The following TRIM9 variants were observed in gnomAD, a reference collection of about 807,000 sequenced individuals.
TRIM9 encodes the protein tripartite motif containing 9.
In TRIM9, 26 loss-of-function variants were observed where a neutral mutation model predicts 78.3. The ratio of observed to expected loss-of-function variants is 0.33; its 90% confidence interval spans 0.24 to 0.46. The LOEUF (loss-of-function observed/expected upper bound fraction) is 0.46. Ranked by LOEUF, TRIM9 falls within the 20% of genes least tolerant of loss-of-function variation. The pLI is 1.00. For synonymous variants in TRIM9, 398 were observed against 416.5 expected, an observed-to-expected ratio of 0.96 and a Z score of 0.54; for missense variants, 787 against 1,036.4, an observed-to-expected ratio of 0.76 and a Z score of 3.30.
chr14:51,073,456 CATACA>C (rs1239335493), intron 1 of TRIM9, among the ~76,000 whole-genome samples: 1 of 152,146 alleles, frequency 6.6e-6, no homozygotes, highest in Admixed American at 6.5e-5. Flanking sequence ...AATGGAATAC[CATACA>C]ACAGTCAGAA....
intron 1 of TRIM9, among the ~76,000 whole-genome samples, chr14:51,068,667 T>C (rs926376371): frequency 6.6e-6 from 1 of 152,182 alleles, no homozygotes; most frequent in African/African-American, 2.4e-5. Context: ...GGCCAGACAC[T>C]GTTTTGCCAC....
At chr14:51,056,396 C>G (rs565747059) in intron 1 of TRIM9, among the ~76,000 whole-genome samples, 22 of 152,228 alleles carry the variant, frequency 1.4e-4, no homozygotes, top group African/African-American at 4.8e-4. Flanking sequence ...CTACTAAATA[C>G]AAAGGTGAAT....
intron 1 of TRIM9, among the ~76,000 whole-genome samples, chr14:51,040,246 T>C (rs1288532035): frequency 6.6e-6 from 1 of 152,216 alleles, no homozygotes; most frequent in East Asian, 1.9e-4. Flanking sequence ...CCACTTATAA[T>C]TGACCAACAG....
chr14:51,081,241 G>A (rs937406274), intron 1 of TRIM9, among the ~76,000 whole-genome samples: 3 of 152,164 alleles, frequency 2.0e-5, no homozygotes, highest in Admixed American at 6.5e-5. Context: ...ATAAGCACAT[G>A]AAAAGATTCT....
At chr14:51,054,172 C>T (rs2060692128) in intron 1 of TRIM9, among the ~76,000 whole-genome samples, 1 of 152,222 alleles carries the variant, frequency 6.6e-6, no homozygotes, top group African/African-American at 2.4e-5. Context: ...AACCATCCTC[C>T]CACCTCAGTC....
Position 50,982,033 on chromosome 14 carries a change from C to A in TRIM9, c.1929G>T (p.Val643=), listed in dbSNP as rs777826123. Residue 643 remains valine (V), a synonymous_variant, in exon 11 of 13, where the codon GTG becomes GTT. Transcript: ENST00000684578. Reference sequence around the variant, plus strand: ...CCCGGTCATCATAGCTACTACAGGTCACTGTCAGGTTGTCATTGGAGAGGA... The same window carrying A: ...CCCGGTCATCATAGCTACTACAGGTAACTGTCAGGTTGTCATTGGAGAGGA... ...DIILSNDNLT[V]TCSSYDDRVV... The A allele has an allele frequency of 1.9e-6, 3 of 1,614,148 alleles. No homozygotes were observed. In the South Asian group the frequency reaches 3.3e-5, roughly 18 times the overall value.
At chr14:51,076,258 C>T (rs1408273704) in intron 1 of TRIM9, among the ~76,000 whole-genome samples, 2 of 152,196 alleles carry the variant, frequency 1.3e-5, no homozygotes, top group Admixed American at 6.5e-5. Context: ...TCAGAATGTA[C>T]TGGTCTCCCT....
At chr14:51,044,901 T>C (rs2059835364) in intron 1 of TRIM9, among the ~76,000 whole-genome samples, 1 of 152,212 alleles carries the variant, frequency 6.6e-6, no homozygotes, top group Non-Finnish European at 1.5e-5. Flanking sequence ...TGTTTTTTTC[T>C]TTTAAGAAAG....
At chr14:51,062,917 T>C (rs746156689) in intron 1 of TRIM9, among the ~76,000 whole-genome samples, 2 of 152,164 alleles carry the variant, frequency 1.3e-5, no homozygotes, top group African/African-American at 2.4e-5. Context: ...ATTTCCAAAA[T>C]CCACCCTAAC....
Position 51,022,976 on chromosome 14 carries a change from T to A in TRIM9, c.919-19A>T. 1 of 1,613,146 alleles carries A rather than the reference T, an allele frequency of 6.2e-7. No homozygotes were observed. The highest frequency in any genetic ancestry group is 8.5e-7 in the Non-Finnish European group (1 of 1,179,794). On this transcript the variant is annotated intron_variant, in intron 2 of 12. Coordinates refer to ENST00000684578, the MANE Select transcript of TRIM9 (RefSeq NM_001387360.1). ...TGTTCTCCTGTGTAACAGAGCACAT[T>A]TCTCAACTGCAAGCTGCTGGGTGCC...
At chr14:51,082,279 T>C (rs1013145881) in intron 1 of TRIM9, among the ~76,000 whole-genome samples, 2 of 152,188 alleles carry the variant, frequency 1.3e-5, no homozygotes, top group Non-Finnish European at 2.9e-5. Flanking sequence ...ATTGAAAACA[T>C]GTCCACATAA....
At chr14:51,033,520 G>A (rs1464245551) in intron 1 of TRIM9, among the ~76,000 whole-genome samples, 1 of 152,268 alleles carries the variant, frequency 6.6e-6, no homozygotes, top group Non-Finnish European at 1.5e-5. Flanking sequence ...GTAGACTGTA[G>A]TATCGTTCAG....
In TRIM9 at chr14:51,005,792, A is replaced by T. The variant is rs17123421; in HGVS notation, c.1306+3288T>A. On this transcript the variant is annotated intron_variant, in intron 5 of 12. Transcript: ENST00000684578. Reference sequence around the variant, plus strand: ...TAAGATGATTTTCTAATCAAAATACAACCAGAAAACGTGCCATTACAATTT... The same window carrying T: ...TAAGATGATTTTCTAATCAAAATACTACCAGAAAACGTGCCATTACAATTT... 2.9e-3 allele frequency among the ~76,000 whole-genome samples: 444 copies of T among 152,344 alleles called. 5 individuals are homozygous for T. In the South Asian group the frequency reaches 0.032, roughly 11 times the overall value.
chr14:50,985,813 C>T lies in TRIM9; in HGVS notation c.1792+143G>A, dbSNP rs1023682715. On this transcript the variant is annotated intron_variant, in intron 8 of 12. Coordinates refer to ENST00000684578, the MANE Select transcript of TRIM9 (RefSeq NM_001387360.1). ...GCCACAAAGCTCCACCATCCCGATG[C>T]TCCTCATACGGAAAGCAGGCCACAG... The T allele has an allele frequency of 1.3e-5, 9 of 689,510 alleles. No homozygotes were observed. The South Asian group carries it at 2.3e-4, about 17-fold the overall frequency. 42.7% of individuals were successfully genotyped at this position (689,510 alleles called of 1,614,324 possible).
chr14:51,025,032 G>C (rs891676688), intron 2 of TRIM9, among the ~76,000 whole-genome samples: 1 of 152,198 alleles, frequency 6.6e-6, no homozygotes, highest in Non-Finnish European at 1.5e-5. Context: ...GTGGAAGACA[G>C]GAACCAGTTG....
intron 1 of TRIM9, among the ~76,000 whole-genome samples, chr14:51,084,170 A>AC (rs1286894137): frequency 7.7e-6 from 1 of 129,630 alleles, no homozygotes; most frequent in Non-Finnish European, 1.8e-5. Flanking sequence ...AAACTTTTCC[A>AC]CACTTTTTTT....
chr14:51,052,514 C>T (rs74054003), intron 1 of TRIM9, among the ~76,000 whole-genome samples: 2,857 of 152,166 alleles, frequency 0.019, 94 homozygotes, highest in African/African-American at 0.066. Flanking sequence ...TGTTTAATCC[C>T]TATGGATTTG....
chr14:51,017,919 G>A (rs2057373186), intron 3 of TRIM9, among the ~76,000 whole-genome samples: 1 of 152,190 alleles, frequency 6.6e-6, no homozygotes, highest in South Asian at 2.1e-4. Context: ...TCTCTCTTGT[G>A]ATTTTTGCTC....
At chr14:51,035,196 G>C (rs540285313) in intron 1 of TRIM9, among the ~76,000 whole-genome samples, 38 of 152,268 alleles carry the variant, frequency 2.5e-4, no homozygotes, top group African/African-American at 5.8e-4. Flanking sequence ...TGTATTTCTG[G>C]TGAAATTCAG....
Sources: gnomAD v4.1 joint callset for allele counts (sites outside exome capture counted in the v4.1 genomes callset) on GRCh38, gnomAD v4.1.1 for gene constraint, MANE v1.5 for transcripts, NCBI Gene and HGNC (gene_info 2026-07-23, HGNC 2026-07-21) for gene names.